Variants in TMEM132D observed in about 807,000 individuals in gnomAD.
The protein encoded by TMEM132D is mature OL transmembrane protein.
Under a neutral mutation model 62.3 loss-of-function variants are expected in TMEM132D, and 21 were observed. The ratio of observed to expected loss-of-function variants is 0.34; its 90% CI spans 0.24 to 0.49. The LOEUF (loss-of-function observed/expected upper bound fraction) is 0.49, where lower values mean the gene tolerates loss of function less well. Among genes scored for constraint, TMEM132D ranks in the 20% least tolerant of loss-of-function variants. The pLI is 0.99. For missense variants in TMEM132D, 1,346 were observed against 1,402.8 expected (o/e 0.96, Z 0.65); for synonymous variants, 621 against 575.6 (o/e 1.08, Z -1.13).
At chr12:129,267,715 C>T (rs1008864628) in intron 4 of TMEM132D, among the ~76,000 whole-genome samples, 38 of 152,074 alleles carry the variant, frequency 2.5e-4, no homozygotes, top group Admixed American at 2.1e-3. Context: ...AAAAAGAGCC[C>T]GCATTGCCAA....
chr12:129,406,233 C>CT (rs1339558046), intron 3 of TMEM132D, among the ~76,000 whole-genome samples: 1 of 152,182 alleles, frequency 6.6e-6, no homozygotes, highest in Non-Finnish European at 1.5e-5. Flanking sequence ...TGTAAGTAGT[C>CT]TTCAAGACGT....
chr12:129,771,765 G>T (rs1364601390), intron 1 of TMEM132D, among the ~76,000 whole-genome samples: 1 of 152,164 alleles, frequency 6.6e-6, no homozygotes, highest in African/African-American at 2.4e-5. Context: ...ATACAGTGTG[G>T]GGTTCTCTGA....
At chr12:129,885,738 TA>T (rs1874731419) in intron 1 of TMEM132D, among the ~76,000 whole-genome samples, 1 of 152,242 alleles carries the variant, frequency 6.6e-6, no homozygotes, top group African/African-American at 2.4e-5. Flanking sequence ...TAGTGTATTG[TA>T]AATCTTGACA....
At chr12:129,338,013 C>G (rs1176984408) in intron 3 of TMEM132D, among the ~76,000 whole-genome samples, 196 bp from the exon 4 acceptor site, 1 of 152,262 alleles carries the variant, frequency 6.6e-6, no homozygotes, top group African/African-American at 2.4e-5. Context: ...CAGCATTAGC[C>G]TGGGCTTAGA....
intron 1 of TMEM132D, among the ~76,000 whole-genome samples, chr12:129,893,742 G>T (rs1194222748): frequency 1.3e-5 from 2 of 152,138 alleles, no homozygotes; most frequent in East Asian, 3.9e-4. Context: ...TACTTTATTT[G>T]TCCTATAAAT....
At chr12:129,263,507 T>C (rs752776890) in intron 4 of TMEM132D, among the ~76,000 whole-genome samples, 38 of 152,150 alleles carry the variant, frequency 2.5e-4, no homozygotes, top group Non-Finnish European at 4.7e-4. Flanking sequence ...CAGCTCTAAC[T>C]TCTGTGCTCT....
intron 3 of TMEM132D, among the ~76,000 whole-genome samples, chr12:129,408,223 C>G (rs1871854024): frequency 6.6e-6 from 1 of 152,188 alleles, no homozygotes; most frequent in Non-Finnish European, 1.5e-5. Flanking sequence ...TTTGGAGAAA[C>G]TGCTTTTTCT....
chr12:129,421,054 C>T (rs544418692), intron 3 of TMEM132D, among the ~76,000 whole-genome samples: 1 of 151,616 alleles, frequency 6.6e-6, no homozygotes, highest in African/African-American at 2.4e-5. Context: ...CTCTGCCTCC[C>T]GGGTTCAAGA....
chr12:129,802,614 G>A (rs1437139042), intron 1 of TMEM132D, among the ~76,000 whole-genome samples: 1 of 121,268 alleles, frequency 8.2e-6, no homozygotes, highest in African/African-American at 3.1e-5. Flanking sequence ...TCGAGACTAG[G>A]AAGAAACTGC....
intron 4 of TMEM132D, among the ~76,000 whole-genome samples, chr12:129,278,292 G>A (rs1174780611): frequency 6.6e-6 from 1 of 152,144 alleles, no homozygotes; most frequent in Non-Finnish European, 1.5e-5. Context: ...TTACTCAGTG[G>A]TAACTGGGTC....
At chr12:129,837,039 T>C (rs1873026564) in intron 1 of TMEM132D, among the ~76,000 whole-genome samples, 1 of 152,112 alleles carries the variant, frequency 6.6e-6, no homozygotes. Flanking sequence ...TCAAAGACAC[T>C]CTCTAGGAAA....
Position 129,674,900 on chromosome 12 carries a change from T to G in TMEM132D, c.968+24910A>C, listed in dbSNP as rs1880592004. Among the ~76,000 whole-genome samples the G allele has an allele frequency of 2.0e-5, 3 of 152,186 alleles. No individual in the cohort carries two copies. The South Asian group carries it at 6.2e-4, about 32-fold the overall frequency. On this transcript the variant is annotated intron_variant, in intron 2 of 8. Transcript: ENST00000422113. ...GGGACTTTCTCATGTAGGATTTGTA[T>G]TGCAGTTCATTATAACAGAGCTGAG...
At chr12:129,154,221 G>C (rs1008124255) in intron 5 of TMEM132D, among the ~76,000 whole-genome samples, 11 of 152,176 alleles carry the variant, frequency 7.2e-5, no homozygotes, top group Admixed American at 6.5e-4. Flanking sequence ...GTGGGACACA[G>C]CTCAGAGGGA....
chr12:129,346,333 T>G (rs1450685304), intron 3 of TMEM132D, among the ~76,000 whole-genome samples: 1 of 149,100 alleles, frequency 6.7e-6, no homozygotes, highest in Non-Finnish European at 1.5e-5. Flanking sequence ...CTCTCTTTTC[T>G]TCTTTATTAG....
chr12:129,101,849 C>T (rs1016656491), intron 5 of TMEM132D, among the ~76,000 whole-genome samples: 5 of 152,084 alleles, frequency 3.3e-5, no homozygotes, highest in Non-Finnish European at 5.9e-5. Context: ...TGACGTATTT[C>T]GGACTATAAA....
Position 129,867,831 on chromosome 12 carries a change from A to C in TMEM132D, c.79+35430T>G, listed in dbSNP as rs77847033. Among the ~76,000 whole-genome samples the C allele has an allele frequency of 0.027, 4,133 of 152,330 alleles. 100 individuals are homozygous for C. The highest frequency in any genetic ancestry group is 0.097 in the South Asian group (467 of 4,830). ...CAAAACTAACCTAGTGAAAAACAAC[A>C]GTTGACAGGGGCCAGAGATGGGTTG... On this transcript the variant is annotated intron_variant, in intron 1 of 8. Transcript: ENST00000422113. This position sits in a 1 kb window ranked among gnomAD's most constrained non-coding sequence, Gnocchi z 4.5.
chr12:129,478,276 C>A (rs565966215), intron 3 of TMEM132D, among the ~76,000 whole-genome samples: 1 of 152,240 alleles, frequency 6.6e-6, no homozygotes, highest in South Asian at 2.1e-4. Context: ...CTATACTCTA[C>A]CATGGACTTC....
chr12:129,708,910 A>G (rs2137234447), intron 1 of TMEM132D, among the ~76,000 whole-genome samples: 2 of 152,198 alleles, frequency 1.3e-5, no homozygotes, highest in South Asian at 4.2e-4. Context: ...ACGTTGAAAA[A>G]CCACATCACA....
intron 1 of TMEM132D, among the ~76,000 whole-genome samples, chr12:129,890,937 G>T (rs558057327): frequency 1.1e-4 from 16 of 152,122 alleles, no homozygotes; most frequent in Non-Finnish European, 4.4e-5. Flanking sequence ...TTTCATGCAG[G>T]CATTAAGGCA....
Sources: allele counts gnomAD v4.1 joint callset (sites outside exome capture counted in the v4.1 genomes callset), GRCh38; gene constraint gnomAD v4.1.1; non-coding constraint Gnocchi (gnomAD v3.1); transcripts MANE v1.5; gene names NCBI Gene and HGNC (gene_info 2026-07-23, HGNC 2026-07-21).